Variants in PPARGC1A observed in about 807,000 individuals in gnomAD.
The protein encoded by PPARGC1A is peroxisome proliferator-activated receptor gamma coactivator 1-alpha.
In PPARGC1A, 25 loss-of-function variants were observed where a neutral mutation model predicts 88.7. That is an observed-to-expected ratio of 0.28 (90% CI 0.21 to 0.39). The LOEUF is 0.39. Among genes scored for constraint, PPARGC1A ranks in the 10% least tolerant of loss-of-function variants. PPARGC1A has a pLI of 1.00. For synonymous variants in PPARGC1A, 363 were observed against 355.6 expected (o/e 1.02, Z -0.24); for missense variants, 880 against 968.7 (o/e 0.91, Z 1.22).
chr4:23,864,736 C>T, intron 2 of PPARGC1A, among the ~76,000 whole-genome samples: 1 of 152,306 alleles, frequency 6.6e-6, no homozygotes, highest in African/African-American at 2.4e-5. Context: ...GTTAGGCAAC[C>T]TGGTGTGTGC....
chr4:23,963,687 T>C, the PPARGC1A span, among the ~76,000 whole-genome samples: 1 of 152,272 alleles, frequency 6.6e-6, no homozygotes, highest in East Asian at 1.9e-4. Context: ...CACCCTCTGG[T>C]CAGCTTACCT....
the PPARGC1A span, among the ~76,000 whole-genome samples, chr4:23,921,426 C>T: frequency 7.9e-5 from 12 of 152,362 alleles, no homozygotes; most frequent in African/African-American, 2.9e-4. Flanking sequence ...TCCAGCGTCT[C>T]CAGTTCTCGG....
At chr4:23,804,545 C>T (rs535888932) in intron 10 of PPARGC1A, among the ~76,000 whole-genome samples, 5 of 152,138 alleles carry the variant, frequency 3.3e-5, no homozygotes, top group East Asian at 1.9e-4. Flanking sequence ...AATCCAATGA[C>T]GTCCATTAAC....
chr4:23,935,212 C>T, the PPARGC1A span, among the ~76,000 whole-genome samples: 4 of 152,198 alleles, frequency 2.6e-5, no homozygotes, highest in Non-Finnish European at 4.4e-5. Flanking sequence ...GCAAGCAGGA[C>T]ATCCAGCAAG....
the PPARGC1A span, among the ~76,000 whole-genome samples, chr4:23,925,800 A>G: frequency 6.6e-6 from 1 of 151,238 alleles, no homozygotes; most frequent in Non-Finnish European, 1.5e-5. Context: ...TCAGTTTAGC[A>G]CTAGATAGTT....
At chr4:24,129,262 C>G in the PPARGC1A span, among the ~76,000 whole-genome samples, 18 of 152,288 alleles carry the variant, frequency 1.2e-4, no homozygotes, top group Middle Eastern at 3.4e-3. Flanking sequence ...CCAAAGAACA[C>G]ATAGGTTATG....
chr4:24,389,411 A>G, the PPARGC1A span, among the ~76,000 whole-genome samples: 1 of 152,160 alleles, frequency 6.6e-6, no homozygotes, highest in South Asian at 2.1e-4. Flanking sequence ...CAAGCTCCAC[A>G]TTATTAGCTT....
chr4:24,051,187 CAAAA>C, the PPARGC1A span, among the ~76,000 whole-genome samples: 44 of 58,616 alleles, frequency 7.5e-4, no homozygotes, highest in African/African-American at 3.1e-3. Context: ...GACTCTGTCT[CAAAA>C]AAAAAAAAAA....
the PPARGC1A span, among the ~76,000 whole-genome samples, chr4:24,231,501 A>G: frequency 2.0e-5 from 3 of 152,202 alleles, no homozygotes; most frequent in Non-Finnish European, 4.4e-5. Context: ...CTCATCCCAA[A>G]GGACCCAAGC....
the PPARGC1A span, among the ~76,000 whole-genome samples, chr4:23,956,213 T>G: frequency 6.6e-6 from 1 of 152,100 alleles, no homozygotes; most frequent in African/African-American, 2.4e-5. Flanking sequence ...CAATACCTGC[T>G]CCAGACTCCT....
chr4:23,913,061 G>A, the PPARGC1A span, among the ~76,000 whole-genome samples: 22 of 148,804 alleles, frequency 1.5e-4, no homozygotes, highest in African/African-American at 5.4e-4. Context: ...CGCCTCAGCC[G>A]CCCAAAGTGC....
At chr4:24,420,571 A>G in the PPARGC1A span, among the ~76,000 whole-genome samples, 1 of 152,114 alleles carries the variant, frequency 6.6e-6, no homozygotes, top group Non-Finnish European at 1.5e-5. Context: ...TCCAAGTCAC[A>G]AAAGTCTTTC....
the PPARGC1A span, among the ~76,000 whole-genome samples, chr4:23,918,280 T>C: frequency 3.7e-3 from 559 of 152,122 alleles, 6 homozygotes; most frequent in African/African-American, 0.013. Context: ...TGGAGTGCAG[T>C]GGCATGATCT....
chr4:24,334,180 G>A, the PPARGC1A span, among the ~76,000 whole-genome samples: 8 of 152,198 alleles, frequency 5.3e-5, 1 homozygote, highest in Admixed American at 5.2e-4. Context: ...ACATTCCCAT[G>A]TAATGCCAAT....
At chr4:24,335,808 A>G in the PPARGC1A span, among the ~76,000 whole-genome samples, 2 of 152,326 alleles carry the variant, frequency 1.3e-5, no homozygotes, top group East Asian at 1.9e-4. Flanking sequence ...TCTTGCTTCC[A>G]ATTTGAATTG....
intron 5 of PPARGC1A, 151 bp from the exon 6 acceptor site, chr4:23,824,659 T>G: frequency 1.4e-6 from 1 of 710,624 alleles, no homozygotes; most frequent in Non-Finnish European, 2.3e-6. Context: ...CAGACAAAAG[T>G]CCATTATGCT....
chr4:24,059,291 A>G, the PPARGC1A span, among the ~76,000 whole-genome samples: 1 of 152,208 alleles, frequency 6.6e-6, no homozygotes, highest in African/African-American at 2.4e-5. Flanking sequence ...CATGGATTAC[A>G]GGACTTTTCT....
chr4:23,824,939 A>T (rs1321144205), intron 5 of PPARGC1A, among the ~76,000 whole-genome samples: 1 of 152,164 alleles, frequency 6.6e-6, no homozygotes, highest in Admixed American at 6.6e-5. Flanking sequence ...TCTAGCCCTG[A>T]TAATAGTTAT....
chr4:23,800,766 T>G (rs1441066232), intron 12 of PPARGC1A, among the ~76,000 whole-genome samples: 2 of 151,790 alleles, frequency 1.3e-5, no homozygotes. Flanking sequence ...TACCATATTT[T>G]ACCCCTTGAG....
Sources: gnomAD v4.1 joint callset for allele counts (sites outside exome capture counted in the v4.1 genomes callset) on GRCh38, gnomAD v4.1.1 for gene constraint, MANE v1.5 for transcripts, NCBI Gene and HGNC (gene_info 2026-07-23, HGNC 2026-07-21) for gene names.